EFNB1: variants seen among roughly 807,000 people sequenced by gnomAD.
EFNB1 encodes the protein ephrin-B1.
In EFNB1, 1 loss-of-function variant was observed where a neutral mutation model predicts 18.1. That is an observed-to-expected ratio of 0.06 (90% CI 0.02 to 0.26). The LOEUF (loss-of-function observed/expected upper bound fraction) is 0.26. Among genes scored for constraint, EFNB1 ranks in the 10% least tolerant of loss-of-function variants. The probability of loss-of-function intolerance (pLI) is 1.00; values close to 1 mark genes in which losing one functional copy is unlikely to be tolerated. For synonymous variants in EFNB1, 131 were observed against 127.5 expected (o/e 1.03, Z -0.19); for missense variants, 221 against 301.8 (o/e 0.73, Z 1.98).
intron 1 of EFNB1, among the ~76,000 whole-genome samples, chrX:68,837,684 G>C (rs1602669836): frequency 8.9e-6 from 1 of 112,074 alleles, no homozygotes; most frequent in East Asian, 2.8e-4. Flanking sequence ...TTCTGGATTA[G>C]AATATGAACC....
chrX:68,835,778 G>A (rs2080459291), intron 1 of EFNB1, among the ~76,000 whole-genome samples: 1 of 111,654 alleles, frequency 9.0e-6, no homozygotes, highest in Admixed American at 9.5e-5. Flanking sequence ...AGGGGTTTTG[G>A]GGGCAATAGT....
At position 68,841,040 on chromosome X, in the gene EFNB1, A is replaced by AT. The variant is rs35418748; in HGVS notation, c.*392dup. ...CACTGTTTTTAATGCTTTTGTGTTC[A>AT]TTTTTTAGCTGTCAACTCATTTTCA... On this transcript the variant is annotated 3_prime_UTR_variant, in exon 5 of 5. Coordinates refer to ENST00000204961, the MANE Select transcript of EFNB1 (RefSeq NM_004429.5). 2.0e-3 allele frequency: 406 copies of AT among 199,558 alleles called. 2 individuals are homozygous for AT. The highest frequency in any genetic ancestry group is 0.011 in the African/African-American group (373 of 34,611). The allele number at this position is 199,558 out of a possible 1,213,427, so 16.4% of individuals were successfully genotyped here. A position where few individuals can be genotyped will look rare whatever the true frequency, so the allele number is the denominator to read the frequency against.
chrX:68,837,889 T>C (rs2080464569), intron 1 of EFNB1, among the ~76,000 whole-genome samples: 1 of 112,285 alleles, frequency 8.9e-6, no homozygotes, highest in African/African-American at 3.2e-5. Context: ...ATTTTGAGGG[T>C]GGGATGAATT....
At chrX:68,830,317 C>T (rs1008148001) in intron 1 of EFNB1, among the ~76,000 whole-genome samples, 1 of 112,476 alleles carries the variant, frequency 8.9e-6, no homozygotes, top group Non-Finnish European at 1.9e-5. Flanking sequence ...GGGACGAGGC[C>T]AGAACACGGG....
In EFNB1 at chrX:68,838,125, GTGTGTA is replaced by G. The variant is rs1374774191; in HGVS notation, c.129-486_129-481del. 2.6e-4 allele frequency among the ~76,000 whole-genome samples: 20 copies of G among 76,590 alleles called. No individual in the cohort carries two copies. The South Asian group carries it at 3.2e-3, about 12-fold the overall frequency. The allele number at this position is 76,590 out of a possible 115,157, so 66.5% of individuals were successfully genotyped here. A position where few individuals can be genotyped will look rare whatever the true frequency, so the allele number is the denominator to read the frequency against. ...AGACATGTGTGGGCTTGCTGTGTGTGTGTGTATGTGTGTGTGTGTGTGTGTGTGTGT... is the reference window on the plus strand; with the variant it reads ...AGACATGTGTGGGCTTGCTGTGTGTGTGTGTGTGTGTGTGTGTGTGTGTGT... On this transcript the variant is annotated intron_variant, in intron 1 of 4. Transcript: ENST00000204961.
At chrX:68,838,168 TGTGTGCGCGC>T (rs749553469) in intron 1 of EFNB1, among the ~76,000 whole-genome samples, 17,539 of 57,967 alleles carry the variant, frequency 0.3, 1,415 homozygotes, top group African/African-American at 0.49. Context: ...TGTGTGTGTG[TGTGTGCGCGC>T]GCGCGCGCGC....
chrX:68,838,206 G>A (rs939895153), intron 1 of EFNB1, among the ~76,000 whole-genome samples: 1 of 107,618 alleles, frequency 9.3e-6, no homozygotes, highest in African/African-American at 3.4e-5. Context: ...TATGGGTATA[G>A]GAGAGGTAGT....
At chrX:68,832,062 A>G (rs1190869526) in intron 1 of EFNB1, among the ~76,000 whole-genome samples, 1 of 110,734 alleles carries the variant, frequency 9.0e-6, no homozygotes, top group Non-Finnish European at 1.9e-5. Flanking sequence ...GCAAATGGAC[A>G]GGAAGGAGGC....
chrX:68,839,016 T>C, intron 2 of EFNB1, 122 bp downstream of exon 2: 1 of 940,285 alleles, frequency 1.1e-6, no homozygotes, highest in South Asian at 2.2e-5. Flanking sequence ...CTGCTGGATC[T>C]GATCCCCTTT....
intron 1 of EFNB1, among the ~76,000 whole-genome samples, chrX:68,838,259 T>G (rs2080467430): frequency 9.1e-6 from 1 of 109,914 alleles, no homozygotes; most frequent in Non-Finnish European, 1.9e-5. Context: ...TGGGGGTATA[T>G]AAGACTGCCA....
intron 2 of EFNB1, among the ~76,000 whole-genome samples, chrX:68,839,404 C>G (rs979949916): frequency 8.9e-6 from 1 of 112,132 alleles, no homozygotes; most frequent in African/African-American, 3.2e-5. Context: ...CAGACCTTAC[C>G]GAGGGGCCAT....
Position 68,840,666 on chromosome X carries a change from G to A in EFNB1, c.*12G>A, listed in dbSNP as rs745795283. On this transcript the variant is annotated 3_prime_UTR_variant, in exon 5 of 5. Coordinates refer to ENST00000204961, the MANE Select transcript of EFNB1 (RefSeq NM_004429.5). ...ACTACAAGGTCTGAGTGCCCGGCAC[G>A]GCCTCAGGCCCCCGAGGGACAGTCG... 61 of 1,200,269 alleles carry A rather than the reference G, an allele frequency of 5.1e-5. No homozygotes were observed. The highest frequency in any genetic ancestry group is 2.7e-4 in the East Asian group (9 of 33,433).
intron 1 of EFNB1, among the ~76,000 whole-genome samples, chrX:68,831,871 G>T (rs2080446527): frequency 9.1e-6 from 1 of 110,186 alleles, no homozygotes; most frequent in African/African-American, 3.3e-5. Context: ...CTGAGGGCAG[G>T]CATTGTGGGG....
At chrX:68,838,166 TGTGTGTGC>T (rs1189437258) in intron 1 of EFNB1, among the ~76,000 whole-genome samples, 515 of 48,090 alleles carry the variant, frequency 0.011, 3 homozygotes, top group African/African-American at 0.053. Context: ...TGTGTGTGTG[TGTGTGTGC>T]GCGCGCGCGC....
chrX:68,831,837 A>AC (rs2080446421), intron 1 of EFNB1, among the ~76,000 whole-genome samples: 2 of 108,311 alleles, frequency 1.8e-5, no homozygotes, highest in Non-Finnish European at 1.9e-5. Context: ...ATCCTCTCTG[A>AC]CCCCCCTCCT....
chrX:68,829,960 G>A (rs2080440107), intron 1 of EFNB1, 56 bp downstream of exon 1: 2 of 1,158,994 alleles, frequency 1.7e-6, no homozygotes, highest in Non-Finnish European at 2.3e-6. Context: ...TCAGGGTGAG[G>A]CCGCACGCCC....
chrX:68,833,481 G>A, intron 1 of EFNB1, among the ~76,000 whole-genome samples: 1 of 111,978 alleles, frequency 8.9e-6, no homozygotes. Context: ...TCAGGTGAAT[G>A]GGGATGCGTG....
intron 1 of EFNB1, among the ~76,000 whole-genome samples, 178 bp downstream of exon 1, chrX:68,830,082 G>A (rs939888779): frequency 9.0e-6 from 1 of 111,335 alleles, no homozygotes. Flanking sequence ...GGCGGGGTGG[G>A]GTAGGGGCAC....
intron 1 of EFNB1, among the ~76,000 whole-genome samples, chrX:68,835,798 TC>T (rs1752578326): frequency 9.0e-6 from 1 of 111,364 alleles, no homozygotes; most frequent in South Asian, 3.8e-4. Context: ...TTCTCTCTTC[TC>T]CCCCCTCCTC....
Sources: allele counts gnomAD v4.1 joint callset (sites outside exome capture counted in the v4.1 genomes callset), GRCh38; gene constraint gnomAD v4.1.1; transcripts MANE v1.5; gene names NCBI Gene and HGNC (gene_info 2026-07-23, HGNC 2026-07-21).